Variants in TWF2 observed in about 807,000 individuals in gnomAD.
TWF2 encodes the protein twinfilin-2.
In TWF2, 15 loss-of-function variants were observed where a neutral mutation model predicts 45.1. The ratio of observed to expected loss-of-function variants is 0.33; its 90% CI spans 0.22 to 0.51. The LOEUF is 0.51. Ranked by LOEUF, TWF2 falls within the 20% of genes least tolerant of loss-of-function variation. The pLI, the probability that TWF2 is intolerant of heterozygous loss-of-function variation, is 0.97. For synonymous variants in TWF2, 177 were observed against 195.8 expected (o/e 0.90, Z 0.80); for missense variants, 423 against 469.1 (o/e 0.90, Z 0.91).
At chr3:52,231,019 G>A (rs776965725) in intron 5 of TWF2, 24 bp from the exon 6 acceptor site, 2 of 1,609,652 alleles carry the variant, frequency 1.2e-6, no homozygotes, top group Non-Finnish European at 8.5e-7. Flanking sequence ...AATGGTGAGG[G>A]AGGCCCTCAC....
Position 52,229,057 on chromosome 3 carries a change from C to T in TWF2, c.1027G>A (p.Gly343Ser). 6.2e-7 allele frequency: 1 copy of T among 1,612,224 alleles called. No individual in the cohort carries two copies. The highest frequency in any genetic ancestry group is 1.1e-5 in the South Asian group (1 of 91,002). ...TCCTAGCTGTCATCCCCATTTTCAC[C>T]CGGGCCGCGGATGAGGCGCTTATGG... ...RGHKRLIRGP[G>S]ENGDDS The change falls in exon 9 of 9, where the codon GGT (glycine) becomes AGT (serine). Residue 343 changes from glycine (G) to serine (S), a missense_variant. Coordinates refer to ENST00000305533, the MANE Select transcript of TWF2 (RefSeq NM_007284.4).
Position 52,229,700 on chromosome 3 carries a change from G to A in TWF2, c.843C>T (p.Asp281=), listed in dbSNP as rs1699659870. Residue 281 remains aspartate, a synonymous_variant, in exon 8 of 9, where the codon GAC becomes GAT. Transcript: ENST00000305533. The part of the protein sequence containing the change: ...LYSSCKSRLL[D]SVEQDFHLEI... ...CCAGATGGAAGTCCTGCTCCACGGAGTCGAGGAGGCGGCTCTTGCAGCTGG... is the reference window on the plus strand; with the variant it reads ...CCAGATGGAAGTCCTGCTCCACGGAATCGAGGAGGCGGCTCTTGCAGCTGG... 6.2e-7 allele frequency: 1 copy of A among 1,613,436 alleles called. No individual in the cohort carries two copies. The highest frequency in any genetic ancestry group is 8.5e-7 in the Non-Finnish European group (1 of 1,180,022).
At position 52,239,019 on chromosome 3, in the gene TWF2, C is replaced by G. The variant is rs189300113; in HGVS notation, c.-3G>C. On this transcript the variant is annotated 5_prime_UTR_variant, in exon 1 of 9. Coordinates refer to ENST00000305533, the MANE Select transcript of TWF2 (RefSeq NM_007284.4). Reference sequence around the variant, plus strand: ...TGGATGCCCGTTTGGTGCGCCATGGCTCGGCGCTTCGCTCCGTCCGCGCCG... The same window carrying G: ...TGGATGCCCGTTTGGTGCGCCATGGGTCGGCGCTTCGCTCCGTCCGCGCCG... 2.3e-5 allele frequency: 36 copies of G among 1,595,590 alleles called. No individual in the cohort carries two copies. In the African/African-American group the frequency reaches 3.9e-4, roughly 17 times the overall value.
chr3:52,231,998 C>G lies in TWF2; in HGVS notation c.228G>C (p.Gln76His). The G allele has an allele frequency of 6.2e-7, 1 of 1,614,102 alleles. No homozygotes were observed. The highest frequency in any genetic ancestry group is 8.5e-7 in the Non-Finnish European group (1 of 1,179,978). Residue 76 changes from glutamine (Q) to histidine (H), a missense_variant, in exon 3 of 9, where the codon CAG (glutamine) becomes CAC (histidine). Coordinates refer to ENST00000305533, the MANE Select transcript of TWF2 (RefSeq NM_007284.4). ...PCYLLYRLDS[Q>H]NAQGFEWLFL... ...AGAGCCATTCGAAGCCCTGAGCATT[C>G]TGTGAGTCGAGGCGGTAGAGCAGGT...
intron 1 of TWF2, among the ~76,000 whole-genome samples, chr3:52,235,717 C>A (rs1276228350): frequency 2.6e-5 from 4 of 152,212 alleles, no homozygotes; most frequent in African/African-American, 9.7e-5. Context: ...GAGATATAGT[C>A]CCCGGCTTGC....
At chr3:52,235,166 G>T (rs567740793) in intron 1 of TWF2, 60 bp from the exon 2 acceptor site, 238 of 1,551,620 alleles carry the variant, frequency 1.5e-4, no homozygotes, top group Non-Finnish European at 2.3e-5. Context: ...GACGAGTATG[G>T]GGCCTGCTCT....
At position 52,232,137 on chromosome 3, in the gene TWF2, C is replaced by T. The variant is rs370639090; in HGVS notation, c.104-15G>A. Reference sequence around the variant, plus strand: ...CACGAGCTGCTCTGGGGGCAGAGGCCGGATGAGCAGCCGCTCCCAGCTCCC... The same window carrying T: ...CACGAGCTGCTCTGGGGGCAGAGGCTGGATGAGCAGCCGCTCCCAGCTCCC... On this transcript the variant is annotated splice_polypyrimidine_tract_variant and intron_variant, in intron 2 of 8. Coordinates refer to ENST00000305533, the MANE Select transcript of TWF2 (RefSeq NM_007284.4). The T allele has an allele frequency of 1.8e-4, 272 of 1,531,802 alleles. No homozygotes were observed. In the African/African-American group the frequency reaches 3.0e-3, roughly 17 times the overall value. The allele number at this position is 1,531,802 out of a possible 1,614,324, so 94.9% of individuals were successfully genotyped here.
intron 4 of TWF2, 52 bp from the exon 5 acceptor site, chr3:52,231,283 C>G (rs1699675291): frequency 6.2e-7 from 1 of 1,603,592 alleles, no homozygotes; most frequent in Non-Finnish European, 8.5e-7. Context: ...TGGGGATTGG[C>G]TAGAGGAGGC....
In TWF2 at chr3:52,230,067, G is replaced by C; in HGVS notation, c.613C>G (p.Leu205Val). Reference protein sequence around the residue: ...QKMVNYIQMKLDLERETIELV... With the variant: ...QKMVNYIQMKVDLERETIELV... ...TCAATGGTTTCCCGCTCTAGGTCCA[G>C]CTTCTGCCCAGGGCCAAGGGAAGAT... The change falls in exon 7 of 9, where the codon CTG becomes GTG. Residue 205 changes from leucine to valine, a missense_variant. Transcript: ENST00000305533. 6.3e-7 allele frequency: 1 copy of C among 1,586,698 alleles called. No homozygotes were observed. Among genetic ancestry groups the C allele is most frequent in the Non-Finnish European group, 8.6e-7 (1 of 1,168,394 alleles).
At chr3:52,235,876 C>T (rs147544111) in intron 1 of TWF2, among the ~76,000 whole-genome samples, 2,874 of 152,320 alleles carry the variant, frequency 0.019, 52 homozygotes, top group Middle Eastern at 0.031. Flanking sequence ...GGCTGTCTAA[C>T]CCTGAGACCC....
rs1469600936 is a variant in TWF2, at chr3:52,228,876, G to A, written c.*158C>T. ...CAGCAACAGGGAAGGGTCACAAAATGCCAGCCCGGTGGCCCTCGGACGCTG... is the reference window on the plus strand; with the variant it reads ...CAGCAACAGGGAAGGGTCACAAAATACCAGCCCGGTGGCCCTCGGACGCTG... On this transcript the variant is annotated 3_prime_UTR_variant, in exon 9 of 9. Transcript: ENST00000305533. The A allele has an allele frequency of 1.8e-6, 2 of 1,124,024 alleles. No individual in the cohort carries two copies. The highest frequency in any genetic ancestry group is 1.6e-5 in the African/African-American group (1 of 63,348). 69.6% of individuals were successfully genotyped at this position (1,124,024 alleles called of 1,614,324 possible). A position where few individuals can be genotyped will look rare whatever the true frequency, so the allele number is the denominator to read the frequency against.
intron 1 of TWF2, among the ~76,000 whole-genome samples, chr3:52,235,613 G>A (rs1699718112): frequency 6.6e-6 from 1 of 152,226 alleles, no homozygotes; most frequent in Non-Finnish European, 1.5e-5. Flanking sequence ...ATGTGTGACA[G>A]AGGAGCAGAA....
intron 2 of TWF2, among the ~76,000 whole-genome samples, chr3:52,232,968 G>A (rs908749665): frequency 6.6e-6 from 1 of 152,144 alleles, no homozygotes; most frequent in Admixed American, 6.5e-5. Context: ...AGGAGATGGC[G>A]CCATTGCACT....
intron 1 of TWF2, among the ~76,000 whole-genome samples, chr3:52,238,573 G>A (rs544934533): frequency 1.3e-5 from 2 of 152,312 alleles, no homozygotes; most frequent in East Asian, 3.9e-4. Context: ...GCGACCTACA[G>A]TGTCCATTCA....
intron 1 of TWF2, among the ~76,000 whole-genome samples, chr3:52,236,332 T>C (rs1282069585): frequency 6.7e-6 from 1 of 150,216 alleles, no homozygotes; most frequent in Non-Finnish European, 1.5e-5. Flanking sequence ...GACTCCATCT[T>C]GGTCATTGGG....
At chr3:52,235,772 G>A (rs1161130513) in intron 1 of TWF2, among the ~76,000 whole-genome samples, 2 of 152,190 alleles carry the variant, frequency 1.3e-5, no homozygotes, top group African/African-American at 2.4e-5. Flanking sequence ...GCTGAGACGT[G>A]TGTGCAGGCA....
intron 1 of TWF2, among the ~76,000 whole-genome samples, chr3:52,235,888 G>A (rs963547994): frequency 2.0e-5 from 3 of 152,132 alleles, no homozygotes; most frequent in African/African-American, 7.2e-5. Context: ...CTGAGACCCC[G>A]AGGAGCCACA....
intron 2 of TWF2, among the ~76,000 whole-genome samples, chr3:52,234,624 C>T (rs915285554): frequency 6.6e-6 from 1 of 152,234 alleles, no homozygotes; most frequent in African/African-American, 2.4e-5. Context: ...CCTCGGACAG[C>T]AGCTGAGCCA....
Position 52,230,856 on chromosome 3 carries a change from G to A in TWF2, c.609+14C>T, listed in dbSNP as rs1278901810. 1 of 1,609,904 alleles carries A rather than the reference G, an allele frequency of 6.2e-7. No individual in the cohort carries two copies. The highest frequency in any genetic ancestry group is 8.5e-7 in the Non-Finnish European group (1 of 1,178,150). On this transcript the variant is annotated intron_variant, in intron 6 of 8. Transcript: ENST00000305533. ...TGGTGGCAGCATGTGCCAGGGTAGG[G>A]AGCAGGCACCCACCATCTGGATGTA...
Sources: gnomAD v4.1 joint callset for allele counts (sites outside exome capture counted in the v4.1 genomes callset) on GRCh38, gnomAD v4.1.1 for gene constraint, MANE v1.5 for transcripts, NCBI Gene and HGNC (gene_info 2026-07-23, HGNC 2026-07-21) for gene names.